ITGB1: variants seen among roughly 807,000 people sequenced by gnomAD.
ITGB1 encodes integrin subunit beta 1.
In ITGB1, 24 loss-of-function variants were observed where a neutral mutation model predicts 86.5. That is an observed-to-expected ratio of 0.28 (90% CI 0.20 to 0.39). The LOEUF is 0.39. ITGB1 is among the 10% of genes least tolerant of loss of function. The pLI is 1.00. For missense variants in ITGB1, 556 were observed against 946.9 expected, an observed-to-expected ratio of 0.59 and a Z score of 5.42; for synonymous variants, 323 against 316.8, an observed-to-expected ratio of 1.02 and a Z score of -0.21.
chr10:32,945,656 A>C (rs2095029816), intron 1 of ITGB1, among the ~76,000 whole-genome samples: 1 of 152,178 alleles, frequency 6.6e-6, no homozygotes, highest in African/African-American at 2.4e-5. Context: ...AAGTTTTAAA[A>C]AGTTACATGT....
At chr10:32,915,391 A>G (rs1391938924) in intron 11 of ITGB1, among the ~76,000 whole-genome samples, 1 of 152,224 alleles carries the variant, frequency 6.6e-6, no homozygotes, top group Non-Finnish European at 1.5e-5. Context: ...GTTTTTTGAA[A>G]TGATCAACAA....
In ITGB1 at chr10:32,922,099, T is replaced by C. The variant is rs1202758949; in HGVS notation, c.1128+158A>G. ...CATGAATCTTGCTTTTGTAAGACAA[T>C]ATGTATAAAGTTTTTCCTCTAGATA... is the stretch of plus-strand genomic sequence containing the variant. On this transcript the variant is annotated intron_variant, in intron 9 of 15. Transcript: ENST00000302278. 2.0e-5 allele frequency among the ~76,000 whole-genome samples: 3 copies of C among 152,210 alleles called. No individual in the cohort carries two copies. The East Asian group carries it at 5.8e-4, about 29-fold the overall frequency.
At chr10:32,907,107 A>C (rs1565818028) in intron 15 of ITGB1, 1 of 1,356,902 alleles carries the variant, frequency 7.4e-7, no homozygotes, top group South Asian at 1.2e-5. Flanking sequence ...GGATTCTTGA[A>C]ATTATTAATA....
At chr10:32,907,017 G>T (rs1222047149) in intron 15 of ITGB1, 7 of 960,802 alleles carry the variant, frequency 7.3e-6, no homozygotes, top group South Asian at 5.2e-5. Flanking sequence ...CAGTAAAAAA[G>T]ATAGAAGTTC....
intron 2 of ITGB1, 163 bp from the exon 3 acceptor site, chr10:32,932,763 A>C: frequency 1.9e-6 from 1 of 533,620 alleles, no homozygotes; most frequent in South Asian, 2.2e-5. Flanking sequence ...AGGATTTTTT[A>C]ATTTAATTTT....
chr10:32,954,839 A>C (rs1274431510), intron 1 of ITGB1, among the ~76,000 whole-genome samples: 1 of 152,230 alleles, frequency 6.6e-6, no homozygotes. Flanking sequence ...GCATATTGCT[A>C]AATATAGTTA....
intron 5 of ITGB1, among the ~76,000 whole-genome samples, chr10:32,926,311 T>G (rs1258327894): frequency 6.6e-6 from 1 of 152,136 alleles, no homozygotes; most frequent in African/African-American, 2.4e-5. Context: ...GGAAGGTGAT[T>G]AGATCATGAG....
At chr10:32,932,423 T>C (rs1247754434) in intron 3 of ITGB1, 92 bp downstream of exon 3, 23 of 760,612 alleles carry the variant, frequency 3.0e-5, no homozygotes, top group Non-Finnish European at 4.9e-5. Context: ...ATGATTTACA[T>C]AAAAATTAAT....
At position 32,908,528 on chromosome 10, in the gene ITGB1, G is replaced by A; in HGVS notation, c.2171C>T (p.Pro724Leu). Residue 724 changes from proline to leucine, a missense_variant, in exon 15 of 16, where the codon CCC becomes CTC. Physicochemically the swap from Pro to Leu is moderately conservative, Grantham distance 98. This residue lies in a region of ITGB1 where 330 missense variants were observed against 531.5 expected (regional missense o/e 0.62). Coordinates refer to ENST00000302278, the MANE Select transcript of ITGB1 (RefSeq NM_002211.4). ...AATTGGAATGATGTCTGGACCAGTGGGACACTCTGGAAAATAAGAAGGTAA... is the reference window on the plus strand; with the variant it reads ...AATTGGAATGATGTCTGGACCAGTGAGACACTCTGGAAAATAAGAAGGTAA... ...MVHVVENPECPTGPDIIPIVA... is the reference protein window; with the variant it reads ...MVHVVENPECLTGPDIIPIVA... 1 of 1,613,322 alleles carries A rather than the reference G, an allele frequency of 6.2e-7. No individual in the cohort carries two copies. The highest frequency in any genetic ancestry group is 8.5e-7 in the Non-Finnish European group (1 of 1,179,608).
chr10:32,955,610 C>T (rs1056167638), intron 1 of ITGB1: 3 of 152,192 alleles, frequency 2.0e-5, no homozygotes, highest in Admixed American at 6.5e-5. Context: ...CAATCAGTGG[C>T]AAGCACGCTT....
intron 1 of ITGB1, among the ~76,000 whole-genome samples, chr10:32,942,090 T>C (rs1238817956): frequency 1.3e-5 from 2 of 151,912 alleles, no homozygotes; most frequent in African/African-American, 4.8e-5. Flanking sequence ...AAAGGAGAAC[T>C]GGGGGCAAAC....
intron 3 of ITGB1, among the ~76,000 whole-genome samples, chr10:32,931,004 G>T (rs2094981711): frequency 6.6e-6 from 1 of 152,064 alleles, no homozygotes; most frequent in Admixed American, 6.5e-5. Flanking sequence ...CAATTTAACG[G>T]TGCTGTATAA....
chr10:32,923,292 T>C (rs1017011372), intron 7 of ITGB1, among the ~76,000 whole-genome samples: 1 of 152,218 alleles, frequency 6.6e-6, no homozygotes, highest in African/African-American at 2.4e-5. Flanking sequence ...GAGTACTGAC[T>C]GTGCTACCAA....
chr10:32,905,572 T>C (rs910253744), intron 15 of ITGB1, among the ~76,000 whole-genome samples: 23 of 152,202 alleles, frequency 1.5e-4, no homozygotes, highest in Admixed American at 3.3e-4. Context: ...TACAATGTCA[T>C]AGACAAGAAC....
chr10:32,932,862 G>A (rs1190657965), intron 2 of ITGB1: 1 of 285,470 alleles, frequency 3.5e-6, no homozygotes, highest in Non-Finnish European at 6.7e-6. Context: ...TCATATAATG[G>A]TAAATGGGGT....
chr10:32,917,800 T>C (rs1366112033), intron 11 of ITGB1, among the ~76,000 whole-genome samples: 1 of 152,194 alleles, frequency 6.6e-6, no homozygotes, highest in East Asian at 1.9e-4. Context: ...TCCTCAAGGA[T>C]CTAGGACTAG....
chr10:32,930,955 A>C (rs796398679), intron 3 of ITGB1, among the ~76,000 whole-genome samples: 5 of 152,264 alleles, frequency 3.3e-5, no homozygotes, highest in African/African-American at 1.2e-4. Context: ...AATGTGGGGG[A>C]AACAGTGACA....
chr10:32,920,695 G>A (rs1024559703), intron 9 of ITGB1, among the ~76,000 whole-genome samples: 7 of 152,054 alleles, frequency 4.6e-5, no homozygotes, highest in East Asian at 1.9e-4. Flanking sequence ...GGAATAGGCC[G>A]GGTGTGGTAG....
At chr10:32,906,831 C>A (rs1013100324) in intron 15 of ITGB1, among the ~76,000 whole-genome samples, 4 of 152,192 alleles carry the variant, frequency 2.6e-5, no homozygotes, top group African/African-American at 4.8e-5. Flanking sequence ...TGAGGTCTAA[C>A]TGATTGCAAA....
Sources: allele counts gnomAD v4.1 joint callset (sites outside exome capture counted in the v4.1 genomes callset), GRCh38; gene constraint gnomAD v4.1.1; regional missense constraint gnomAD v4.1.1; transcripts MANE v1.5; gene names NCBI Gene and HGNC (gene_info 2026-07-23, HGNC 2026-07-21).